CADPS2: variants seen among roughly 807,000 people sequenced by gnomAD.
The protein encoded by CADPS2 is calcium dependent secretion activator 2.
Under a neutral mutation model 172.5 loss-of-function variants are expected in CADPS2, and 93 were observed. The ratio of observed to expected loss-of-function variants is 0.54; its 90% CI spans 0.46 to 0.64. The LOEUF is 0.64. Ranked by LOEUF, CADPS2 falls within the 30% of genes least tolerant of loss-of-function variation. The pLI, the probability that CADPS2 is intolerant of heterozygous loss-of-function variation, is 0.00. For missense variants in CADPS2, 1,420 were observed against 1,565.9 expected (o/e 0.91, Z 1.57); for synonymous variants, 546 against 555.2 (o/e 0.98, Z 0.23).
At chr7:122,690,030 C>A (rs1189940316) in intron 2 of CADPS2, among the ~76,000 whole-genome samples, 1 of 152,140 alleles carries the variant, frequency 6.6e-6, no homozygotes, top group Non-Finnish European at 1.5e-5. Context: ...GATGCACACG[C>A]CAGGGCAAGC....
At chr7:122,773,693 G>T (rs1442850084) in intron 1 of CADPS2, among the ~76,000 whole-genome samples, 1 of 152,022 alleles carries the variant, frequency 6.6e-6, no homozygotes, top group Non-Finnish European at 1.5e-5. Flanking sequence ...TTCAGGCATT[G>T]CTTTAATCAC....
intron 2 of CADPS2, among the ~76,000 whole-genome samples, chr7:122,679,771 T>C (rs1331363695): frequency 6.6e-6 from 1 of 152,182 alleles, no homozygotes; most frequent in African/African-American, 2.4e-5. Context: ...CGGCCAACAC[T>C]GAGGGAACAT....
At chr7:122,576,853 G>A (rs1379808046) in intron 7 of CADPS2, among the ~76,000 whole-genome samples, 2 of 149,650 alleles carry the variant, frequency 1.3e-5, no homozygotes, top group Admixed American at 6.8e-5. Context: ...TCTGCCTCCC[G>A]GGTTCAAGTG....
chr7:122,556,985 T>A (rs114990384), intron 7 of CADPS2, among the ~76,000 whole-genome samples: 114 of 152,216 alleles, frequency 7.5e-4, no homozygotes, highest in African/African-American at 2.6e-3. Flanking sequence ...CTATCATATG[T>A]ATATCTAATT....
chr7:122,710,460 C>A (rs1230018877), intron 2 of CADPS2, among the ~76,000 whole-genome samples: 1 of 152,044 alleles, frequency 6.6e-6, no homozygotes, highest in Non-Finnish European at 1.5e-5. Flanking sequence ...TACATGCTAG[C>A]CATTTAAGCT....
intron 1 of CADPS2, among the ~76,000 whole-genome samples, chr7:122,738,706 C>T (rs2092312695): frequency 6.6e-6 from 1 of 151,966 alleles, no homozygotes; most frequent in African/African-American, 2.4e-5. Context: ...ATTAAACTGC[C>T]ATTCAAATAA....
At chr7:122,547,430 T>A (rs2131802207) in intron 8 of CADPS2, among the ~76,000 whole-genome samples, 1 of 152,292 alleles carries the variant, frequency 6.6e-6, no homozygotes, top group Admixed American at 6.5e-5. Context: ...GTGGTACCAA[T>A]TAGATAATTT....
At chr7:122,863,885 C>T (rs1352895437) in intron 1 of CADPS2, among the ~76,000 whole-genome samples, 1 of 152,142 alleles carries the variant, frequency 6.6e-6, no homozygotes, top group Non-Finnish European at 1.5e-5. Flanking sequence ...CAAAAATTAG[C>T]TGGGCGTAGT....
chr7:122,607,234 G>A (rs773576545), intron 6 of CADPS2, among the ~76,000 whole-genome samples: 11 of 152,036 alleles, frequency 7.2e-5, no homozygotes, highest in Non-Finnish European at 1.2e-4. Context: ...TGTAAGTCTT[G>A]GTTTAAACTG....
At chr7:122,636,994 T>C (rs538109152) in intron 3 of CADPS2, among the ~76,000 whole-genome samples, 91 of 152,166 alleles carry the variant, frequency 6.0e-4, no homozygotes, top group African/African-American at 2.1e-3. Context: ...AGTTGTAGAT[T>C]TGGTGTCTTC....
chr7:122,466,663 C>A (rs2055178957), intron 14 of CADPS2, among the ~76,000 whole-genome samples: 1 of 152,196 alleles, frequency 6.6e-6, no homozygotes, highest in Non-Finnish European at 1.5e-5. Flanking sequence ...AAAATTACTA[C>A]ATGCTATTTA....
intron 2 of CADPS2, among the ~76,000 whole-genome samples, chr7:122,671,278 A>G (rs1386220524): frequency 6.6e-6 from 1 of 152,230 alleles, no homozygotes; most frequent in South Asian, 2.1e-4. Flanking sequence ...ATAGACAGCA[A>G]GCACCCAGAA....
chr7:122,361,224 CTT>C (rs376434122), intron 25 of CADPS2, among the ~76,000 whole-genome samples: 4 of 103,414 alleles, frequency 3.9e-5, no homozygotes, highest in African/African-American at 7.3e-5. Context: ...AAATAATACA[CTT>C]TTTTTTTTTT....
chr7:122,695,462 T>C (rs1588480302), intron 2 of CADPS2, among the ~76,000 whole-genome samples: 1 of 152,230 alleles, frequency 6.6e-6, no homozygotes, highest in Admixed American at 6.5e-5. Flanking sequence ...ATTTCCAAGT[T>C]CTATTTAGTA....
At chr7:122,794,669 C>A (rs1483197878) in intron 1 of CADPS2, among the ~76,000 whole-genome samples, 1 of 151,502 alleles carries the variant, frequency 6.6e-6, no homozygotes, top group Non-Finnish European at 1.5e-5. Flanking sequence ...ATACATTGTT[C>A]TTATCACCAC....
chr7:122,623,298 A>G (rs1480187195), intron 4 of CADPS2, among the ~76,000 whole-genome samples: 2 of 152,044 alleles, frequency 1.3e-5, no homozygotes, highest in Non-Finnish European at 2.9e-5. Flanking sequence ...AAGAGAGGGG[A>G]AAAAAGCAAA....
At chr7:122,775,007 C>T (rs1234138579) in intron 1 of CADPS2, among the ~76,000 whole-genome samples, 2 of 152,036 alleles carry the variant, frequency 1.3e-5, no homozygotes, top group Non-Finnish European at 2.9e-5. Flanking sequence ...TTGTGTTAGT[C>T]TCTCAACTAT....
At chr7:122,684,023 T>A (rs1000938621) in intron 2 of CADPS2, among the ~76,000 whole-genome samples, 4 of 152,176 alleles carry the variant, frequency 2.6e-5, no homozygotes, top group African/African-American at 9.7e-5. Context: ...CTAAAATAAG[T>A]GGATAATTGT....
chr7:122,527,617 A>AGATAGAGTGTGTGT, intron 8 of CADPS2, among the ~76,000 whole-genome samples: 68 of 83,886 alleles, frequency 8.1e-4, no homozygotes, highest in African/African-American at 2.8e-3. Flanking sequence ...AGAGAGAGAG[A>AGATAGAGTGTGTGT]GTGTGTGTGT....
Sources: allele counts gnomAD v4.1 joint callset (sites outside exome capture counted in the v4.1 genomes callset), GRCh38; gene constraint gnomAD v4.1.1; transcripts MANE v1.5; gene names NCBI Gene and HGNC (gene_info 2026-07-23, HGNC 2026-07-21).